The following A2ML1 variants were observed in gnomAD, a reference collection of about 807,000 sequenced individuals.
A2ML1 encodes the protein alpha-2-macroglobulin like 1.
A neutral mutation model predicts 181.9 loss-of-function variants in A2ML1; 161 were observed. That is an observed-to-expected ratio of 0.89 (90% CI 0.78 to 1.01). A2ML1 has a LOEUF of 1.01. Among genes scored for constraint, A2ML1 ranks in the 50% least tolerant of loss-of-function variants. The probability of loss-of-function intolerance (pLI) is 0.00; values close to 1 mark genes in which losing one functional copy is unlikely to be tolerated. For synonymous variants in A2ML1, 663 were observed against 666.8 expected (o/e 0.99, Z 0.09); for missense variants, 1,670 against 1,768.1 (o/e 0.94, Z 1.00).
intron 8 of A2ML1, among the ~76,000 whole-genome samples, chr12:8,837,909 A>G (rs1200531223): frequency 7.1e-6 from 1 of 140,764 alleles, no homozygotes; most frequent in Non-Finnish European, 1.6e-5. Flanking sequence ...AAAAAAAAAA[A>G]GAACGTATCC....
At chr12:8,835,475 C>A (rs377729149) in intron 5 of A2ML1, 32 bp from the exon 6 acceptor site, 2 of 1,611,604 alleles carry the variant, frequency 1.2e-6, no homozygotes, top group East Asian at 4.5e-5. Flanking sequence ...AGCAAACGGG[C>A]AGGCACATCA....
chr12:8,830,793 C>T (rs904461800), intron 4 of A2ML1: 2 of 152,136 alleles, frequency 1.3e-5, no homozygotes, highest in African/African-American at 4.8e-5. Context: ...CTGCTGTTTC[C>T]TTTCCCTATG....
chr12:8,858,301 G>A lies in A2ML1; in HGVS notation c.3264+199G>A, dbSNP rs768599149. Reference sequence around the variant, plus strand: ...TCTGTAGAATGAGAATACAGATGAAGCCTGGGTGCAGTGGCTCATGCCTGT... The same window carrying A: ...TCTGTAGAATGAGAATACAGATGAAACCTGGGTGCAGTGGCTCATGCCTGT... On this transcript the variant is annotated intron_variant, in intron 26 of 35. Transcript: ENST00000299698. 225 of 590,522 alleles carry A rather than the reference G, an allele frequency of 3.8e-4. 1 individual carries two copies. Among genetic ancestry groups the A allele is most frequent in the Admixed American group, 9.1e-4 (28 of 30,906 alleles). 36.6% of individuals were successfully genotyped at this position (590,522 alleles called of 1,614,324 possible).
chr12:8,880,574 C>G (rs1010196694), downstream of A2ML1: 1 of 151,920 alleles, frequency 6.6e-6, no homozygotes, highest in African/African-American at 2.4e-5. Flanking sequence ...AGAAGAAAGC[C>G]GAAGTCCTTG....
At chr12:8,854,343 C>T in intron 21 of A2ML1, 94 bp downstream of exon 21, 2 of 1,478,350 alleles carry the variant, frequency 1.4e-6, no homozygotes, top group Non-Finnish European at 9.0e-7. Flanking sequence ...AACCATACTC[C>T]AGTCCAACCA....
chr12:8,840,958 G>GGAAA (rs1491270324), intron 10 of A2ML1, among the ~76,000 whole-genome samples: 182 of 122,580 alleles, frequency 1.5e-3, no homozygotes, highest in African/African-American at 6.1e-3. Context: ...AAGGAAGGAA[G>GGAAA]GAAGGAAAGA....
chr12:8,826,664 G>A (rs780843585), intron 3 of A2ML1, among the ~76,000 whole-genome samples: 12 of 151,896 alleles, frequency 7.9e-5, no homozygotes, highest in South Asian at 2.1e-4. Context: ...ATTCTGCCGC[G>A]CAGGCTGGAA....
chr12:8,879,311 G>A (rs1212369616), downstream of A2ML1, among the ~76,000 whole-genome samples: 1 of 152,022 alleles, frequency 6.6e-6, no homozygotes, highest in Non-Finnish European at 1.5e-5. Flanking sequence ...GGCTAACATG[G>A]TGAAACCCTG....
intron 3 of A2ML1, among the ~76,000 whole-genome samples, chr12:8,829,173 AG>A (rs1214038689): frequency 6.6e-6 from 1 of 152,114 alleles, no homozygotes; most frequent in Non-Finnish European, 1.5e-5. Flanking sequence ...GCAGTTGTTC[AG>A]TTTGGTGTTA....
intron 33 of A2ML1, among the ~76,000 whole-genome samples, chr12:8,870,912 C>A (rs1286687832): frequency 6.6e-6 from 1 of 152,186 alleles, no homozygotes; most frequent in East Asian, 1.9e-4. Flanking sequence ...ATCTAAAAGC[C>A]AGTGCTAATC....
rs964154627 is a variant in A2ML1 at position 8,858,068 on chromosome 12, C to T, written c.3230C>T (p.Ala1077Val). Residue 1077 changes from alanine (A) to valine (V), a missense_variant, in exon 26 of 36, where the codon GCC becomes GTC. Physicochemically the swap from Ala to Val is moderately conservative, Grantham distance 64 (BLOSUM62 0). Coordinates refer to ENST00000299698, the MANE Select transcript of A2ML1 (RefSeq NM_144670.6). ...AGNQLPSGCY[A>V]NVGNLLHTAM... ...AACCAGCTCCCCAGTGGCTGCTATGCCAACGTGGGAAATCTCCTTCACACA... is the reference window on the plus strand; with the variant it reads ...AACCAGCTCCCCAGTGGCTGCTATGTCAACGTGGGAAATCTCCTTCACACA... 36 of 1,614,008 alleles carry T rather than the reference C, an allele frequency of 2.2e-5. No homozygotes were observed. Among genetic ancestry groups the T allele is most frequent in the Non-Finnish European group, 3.0e-5 (35 of 1,180,046 alleles).
In A2ML1 at chr12:8,869,194, C is replaced by T. The variant is rs748015015; in HGVS notation, c.4212C>T (p.Tyr1404=). ...VEFGTDTLNI[Y]LDELIKNTQT... ...TTGGAACTGACACACTTAACATTTA[C>T]TTGGATGAGGTAGGTATTCAGGAAC... Residue 1404 remains tyrosine, a synonymous_variant, in exon 33 of 36, where the codon TAC becomes TAT. Transcript: ENST00000299698. 19 of 1,614,008 alleles carry T rather than the reference C, an allele frequency of 1.2e-5. No individual in the cohort carries two copies. The highest frequency in any genetic ancestry group is 1.5e-5 in the Non-Finnish European group (18 of 1,179,966).
At chr12:8,841,119 G>A (rs929434735) in intron 10 of A2ML1, among the ~76,000 whole-genome samples, 5 of 152,156 alleles carry the variant, frequency 3.3e-5, no homozygotes, top group Non-Finnish European at 7.4e-5. Flanking sequence ...ATTAGCCACC[G>A]GGCAAATCTA....
chr12:8,832,542 A>AGG, intron 4 of A2ML1, among the ~76,000 whole-genome samples: 1 of 152,348 alleles, frequency 6.6e-6, no homozygotes, highest in South Asian at 2.1e-4. Context: ...ACAGCTTACA[A>AGG]GTTAGAAGCA....
intron 11 of A2ML1, among the ~76,000 whole-genome samples, chr12:8,842,275 T>A (rs1011647638): frequency 4.0e-5 from 6 of 151,644 alleles, no homozygotes; most frequent in Non-Finnish European, 8.8e-5. Flanking sequence ...TGGAGTGCAG[T>A]GGCGTGATCT....
In A2ML1 at chr12:8,860,873, G is replaced by T; in HGVS notation, c.3265-8G>T. ...GCCCTGACTCACTGCCTCCCTGTTT[G>T]CCTCTAGGGTGGTGTTGATGATGAG... is the stretch of plus-strand genomic sequence containing the variant. On this transcript the variant is annotated splice_polypyrimidine_tract_variant and splice_region_variant and intron_variant, in intron 26 of 35. Transcript: ENST00000299698. 6.2e-7 allele frequency: 1 copy of T among 1,613,966 alleles called. No individual in the cohort carries two copies. The highest frequency in any genetic ancestry group is 8.5e-7 in the Non-Finnish European group (1 of 1,179,966).
At chr12:8,824,222 G>GTTTTTTTTTT (rs34400836) in intron 3 of A2ML1, among the ~76,000 whole-genome samples, 13 of 92,310 alleles carry the variant, frequency 1.4e-4, no homozygotes, top group Admixed American at 2.7e-4. Flanking sequence ...AGCTACTGGG[G>GTTTTTTTTTT]TTTTTTTTTT....
At chr12:8,842,841 G>A (rs1457562472) in intron 11 of A2ML1, among the ~76,000 whole-genome samples, 2 of 152,078 alleles carry the variant, frequency 1.3e-5, no homozygotes, top group African/African-American at 2.4e-5. Context: ...TCTAAGTCAC[G>A]TTCATCTATC....
chr12:8,838,728 C>T (rs535834051), intron 9 of A2ML1, among the ~76,000 whole-genome samples: 82 of 151,558 alleles, frequency 5.4e-4, no homozygotes, highest in Non-Finnish European at 1.1e-3. Flanking sequence ...CTGGCTAACA[C>T]GGTGAAACCC....
Sources: gnomAD v4.1 joint callset for allele counts (sites outside exome capture counted in the v4.1 genomes callset) on GRCh38, gnomAD v4.1.1 for gene constraint, MANE v1.5 for transcripts, NCBI Gene and HGNC (gene_info 2026-07-23, HGNC 2026-07-21) for gene names.